The following APAF1 variants were observed in gnomAD, a reference collection of about 807,000 sequenced individuals.
The protein encoded by APAF1 is apoptotic protease-activating factor 1.
Under a neutral mutation model 152.4 loss-of-function variants are expected in APAF1, and 91 were observed. The ratio of observed to expected loss-of-function variants is 0.60; its 90% confidence interval spans 0.50 to 0.71. The LOEUF is 0.71. Ranked by LOEUF, APAF1 falls within the 30% of genes least tolerant of loss-of-function variation. The pLI is 0.00. For synonymous variants in APAF1, 484 were observed against 494.1 expected (o/e 0.98, Z 0.27); for missense variants, 1,283 against 1,472.0 (o/e 0.87, Z 2.10).
chr12:98,664,540 C>G (rs1014496318), intron 7 of APAF1, among the ~76,000 whole-genome samples: 3 of 151,010 alleles, frequency 2.0e-5, no homozygotes, highest in African/African-American at 7.3e-5. Flanking sequence ...TGGATTTTGC[C>G]CTTTTTTTTT....
chr12:98,715,933 G>A (rs1240214636), intron 22 of APAF1, among the ~76,000 whole-genome samples: 2 of 152,034 alleles, frequency 1.3e-5, no homozygotes, highest in African/African-American at 2.4e-5. Flanking sequence ...AGAACAAAAT[G>A]TTTATTACAG....
chr12:98,695,353 GC>G lies in APAF1; in HGVS notation c.2305-4046del, dbSNP rs374132694. Reference sequence around the variant, plus strand: ...GGTGTGAGCCACTGCGCCCAATGCCGCCCCCCCCCTTTTTTTTTTTTGAGAC... The same window carrying G: ...GGTGTGAGCCACTGCGCCCAATGCCGCCCCCCCCTTTTTTTTTTTTGAGAC... On this transcript the variant is annotated intron_variant, in intron 16 of 26. Transcript: ENST00000551964. Among the ~76,000 whole-genome samples the G allele has an allele frequency of 4.7e-3, 662 of 140,204 alleles. 4 individuals carry two copies. Among genetic ancestry groups the G allele is most frequent in the Admixed American group, 9.0e-3 (126 of 14,042 alleles). 92.0% of individuals were successfully genotyped at this position (140,204 alleles called of 152,430 possible).
chr12:98,668,101 T>G (rs2097675671), intron 10 of APAF1, among the ~76,000 whole-genome samples: 2 of 152,196 alleles, frequency 1.3e-5, no homozygotes, highest in Admixed American at 1.3e-4. Context: ...TGAATTTTTA[T>G]GTAGTTAAAT....
At position 98,648,821 on chromosome 12, in the gene APAF1, T is replaced by C; in HGVS notation, c.328+6T>C. 6.2e-7 allele frequency: 1 copy of C among 1,612,290 alleles called. No individual in the cohort carries two copies. Among genetic ancestry groups the C allele is most frequent in the Non-Finnish European group, 8.5e-7 (1 of 1,178,654 alleles). ...TAGTGGAATAACTTCGTATGGTTTG[T>C]ATCCATTATACCTTCTATCACTTTG... On this transcript the variant is annotated splice_donor_region_variant and intron_variant, in intron 3 of 26. Transcript: ENST00000551964.
Position 98,663,684 on chromosome 12 carries a change from A to T in APAF1, c.955+878A>T, listed in dbSNP as rs189639207. 1.4e-3 allele frequency among the ~76,000 whole-genome samples: 206 copies of T among 152,098 alleles called. 1 individual carries two copies. Among genetic ancestry groups the T allele is most frequent in the Non-Finnish European group, 2.3e-3 (156 of 68,002 alleles). On this transcript the variant is annotated intron_variant, in intron 7 of 26. Coordinates refer to ENST00000551964, the MANE Select transcript of APAF1 (RefSeq NM_181861.2). ...TTCTTTTTTTTTCTCTTTTGAGACA[A>T]GTCTCACTCTGTCGTCCAGGCTGGA...
intron 17 of APAF1, among the ~76,000 whole-genome samples, chr12:98,700,120 C>T (rs1488526683): frequency 4.6e-5 from 7 of 152,072 alleles, no homozygotes; most frequent in Admixed American, 4.6e-4. Context: ...TTTTCTTCCC[C>T]ACATCTAATA....
chr12:98,682,030 T>G (rs1027464295), intron 14 of APAF1, among the ~76,000 whole-genome samples: 1 of 151,574 alleles, frequency 6.6e-6, no homozygotes, highest in African/African-American at 2.4e-5. Context: ...ACATAGTAAC[T>G]AGAATGATGA....
In APAF1 at chr12:98,728,275, A is replaced by C. The variant is rs545269285; in HGVS notation, c.3600+959A>C. On this transcript the variant is annotated intron_variant, in intron 26 of 26. Transcript: ENST00000551964. ...AAAAACATATTTTTGAAATTTCTTC[A>C]GTAATAATAATAGCAGCAGTATATG... is the stretch of plus-strand genomic sequence containing the variant. 7.9e-5 allele frequency among the ~76,000 whole-genome samples: 12 copies of C among 152,372 alleles called. No individual in the cohort carries two copies. The South Asian group carries it at 2.5e-3, about 32-fold the overall frequency.
chr12:98,714,849 T>C (rs904373481), intron 21 of APAF1, among the ~76,000 whole-genome samples: 2 of 151,742 alleles, frequency 1.3e-5, no homozygotes, highest in African/African-American at 4.8e-5. Context: ...TTTTCTTTTT[T>C]TTTTTTTGAC....
rs777981927 is a variant in APAF1, at chr12:98,727,176, T to A, written c.3460T>A (p.Trp1154Arg). 4 of 1,614,106 alleles carry A rather than the reference T, an allele frequency of 2.5e-6. No homozygotes were observed. The highest frequency in any genetic ancestry group is 2.5e-6 in the Non-Finnish European group (3 of 1,179,956). The change falls in exon 26 of 27, where the codon TGG becomes AGG. Residue 1154 changes from tryptophan to arginine, a missense_variant. Transcript: ENST00000551964. ...TGDDNGEIRI[W>R]NVSNGELLHL... ...ATTGTGTATCATGTTTATGTAGATA[T>A]GGAATGTCTCAAACGGTGAGCTTCT...
At chr12:98,663,004 A>G (rs559806393) in intron 7 of APAF1, among the ~76,000 whole-genome samples, 198 bp downstream of exon 7, 1 of 152,316 alleles carries the variant, frequency 6.6e-6, no homozygotes, top group African/African-American at 2.4e-5. Flanking sequence ...AATAATATTT[A>G]CCATCTACCC....
intron 26 of APAF1, among the ~76,000 whole-genome samples, chr12:98,729,730 T>C (rs2097757475): frequency 6.6e-6 from 1 of 152,246 alleles, no homozygotes; most frequent in Non-Finnish European, 1.5e-5. Context: ...TAAGGCAGGA[T>C]AAGTGTTTGG....
chr12:98,666,354 T>G lies in APAF1; in HGVS notation c.1359T>G (p.Leu453=). 1 of 1,612,146 alleles carries G rather than the reference T, an allele frequency of 6.2e-7. No homozygotes were observed. The highest frequency in any genetic ancestry group is 8.5e-7 in the Non-Finnish European group (1 of 1,179,544). The change falls in exon 9 of 27, where the codon CTT becomes CTG. Residue 453 remains leucine, a synonymous_variant. Transcript: ENST00000551964. ...TTACAGAGAAGAATTGCAGCCAGCT[T>G]CAGGTACTTGCATCTTGGTTTACTT... The part of the protein sequence containing the change: ...DFLTEKNCSQ[L]QDLHKKIITQ...
chr12:98,702,401 T>C (rs1472571968), intron 17 of APAF1, among the ~76,000 whole-genome samples: 1 of 152,206 alleles, frequency 6.6e-6, no homozygotes, highest in Admixed American at 6.5e-5. Context: ...GGAAGCTTTT[T>C]TGTTTCTTTC....
At chr12:98,725,890 TG>T (rs1159608785) in intron 25 of APAF1, among the ~76,000 whole-genome samples, 1 of 152,252 alleles carries the variant, frequency 6.6e-6, no homozygotes, top group African/African-American at 2.4e-5. Context: ...TTGTAAATTA[TG>T]GTCTGGATTA....
chr12:98,708,160 G>T (rs536052629), intron 19 of APAF1, among the ~76,000 whole-genome samples: 1 of 152,078 alleles, frequency 6.6e-6, no homozygotes, highest in Non-Finnish European at 1.5e-5. Context: ...TTGGTCAGAC[G>T]TCTTGAACTC....
chr12:98,648,952 C>T, intron 3 of APAF1, 137 bp downstream of exon 3: 1 of 913,854 alleles, frequency 1.1e-6, no homozygotes, highest in South Asian at 1.3e-5. Flanking sequence ...GTGATGTTTT[C>T]AATTTAAATA....
intron 17 of APAF1, among the ~76,000 whole-genome samples, chr12:98,702,686 G>A (rs1461988290): frequency 1.3e-5 from 2 of 151,788 alleles, no homozygotes; most frequent in African/African-American, 2.4e-5. Flanking sequence ...TTAGCTGGGC[G>A]TGGTGGTGCA....
At chr12:98,667,481 T>C in intron 9 of APAF1, 32 bp from the exon 10 acceptor site, 1 of 1,610,632 alleles carries the variant, frequency 6.2e-7, no homozygotes, top group Non-Finnish European at 8.5e-7. Flanking sequence ...TAAAATTGTT[T>C]CTGGCTTCTG....
Sources: allele counts gnomAD v4.1 joint callset (sites outside exome capture counted in the v4.1 genomes callset), GRCh38; gene constraint gnomAD v4.1.1; transcripts MANE v1.5; gene names NCBI Gene and HGNC (gene_info 2026-07-23, HGNC 2026-07-21).